CENPI: variants seen among roughly 807,000 people sequenced by gnomAD.
The protein encoded by CENPI is FSH primary response 1.
CENPI carries 4 observed loss-of-function variants against 60.4 expected under a neutral mutation model. The observed-to-expected ratio is 0.07, with a 90% CI of 0.03 to 0.15. The LOEUF is 0.15. Among genes scored for constraint, CENPI ranks in the 10% least tolerant of loss-of-function variants. CENPI has a pLI of 1.00. For synonymous variants in CENPI, 157 were observed against 189.4 expected, an observed-to-expected ratio of 0.83 and a Z score of 1.40; for missense variants, 444 against 534.5, an observed-to-expected ratio of 0.83 and a Z score of 1.67.
intron 16 of CENPI, among the ~76,000 whole-genome samples, chrX:101,143,066 T>A (rs1196416112): frequency 2.8e-4 from 16 of 56,298 alleles, no homozygotes; most frequent in Non-Finnish European, 4.6e-4. Context: ...TGAGACTCCA[T>A]CTCAAAAAAA....
Position 101,147,752 on chromosome X carries a change from T to C in CENPI, c.1827-11T>C. On this transcript the variant is annotated splice_polypyrimidine_tract_variant and intron_variant, in intron 18 of 21. Coordinates refer to ENST00000682095, the MANE Select transcript of CENPI (RefSeq NM_001386188.2). ...TGTTAAATGTTTCATTCTGTTTGTT[T>C]TTTCTGTTAGATATCGTAAAAATTT... 1 of 1,190,486 alleles carries C rather than the reference T, an allele frequency of 8.4e-7. No individual in the cohort carries two copies. Among genetic ancestry groups the C allele is most frequent in the Non-Finnish European group, 1.1e-6 (1 of 879,543 alleles).
chrX:101,152,332 G>C (rs184341965), intron 20 of CENPI, among the ~76,000 whole-genome samples: 2 of 110,737 alleles, frequency 1.8e-5, no homozygotes, highest in Non-Finnish European at 3.8e-5. Flanking sequence ...CAAAGTGCTG[G>C]GATTACAGGC....
At chrX:101,131,479 C>T (rs1268905262) in intron 13 of CENPI, among the ~76,000 whole-genome samples, 1 of 111,605 alleles carries the variant, frequency 9.0e-6, no homozygotes, top group Non-Finnish European at 1.9e-5. Context: ...AGATGTTTCA[C>T]TTAAGAGATG....
chrX:101,128,688 C>A, intron 11 of CENPI, 28 bp from the exon 12 acceptor site: 1 of 1,193,119 alleles, frequency 8.4e-7, no homozygotes, highest in Non-Finnish European at 1.1e-6. Context: ...AGATACTTAA[C>A]TGTTGATCGG....
the CENPI span, among the ~76,000 whole-genome samples, chrX:101,181,708 A>C: frequency 8.9e-6 from 1 of 111,997 alleles, no homozygotes; most frequent in Admixed American, 9.5e-5. Flanking sequence ...ATCTGTATAC[A>C]AGATCATGTC....
intron 15 of CENPI, 33 bp downstream of exon 15, chrX:101,132,489 G>A: frequency 9.2e-7 from 1 of 1,090,314 alleles, no homozygotes; most frequent in East Asian, 3.0e-5. Flanking sequence ...AGATTCAATA[G>A]GATGTATTAT....
At position 101,165,427 on chromosome X, in the gene CENPI, G is replaced by T. The variant is rs774601531; in HGVS notation, c.*2460G>T. Among the ~76,000 whole-genome samples the T allele has an allele frequency of 3.7e-4, 41 of 111,514 alleles. No individual in the cohort carries two copies. Among genetic ancestry groups the T allele is most frequent in the African/African-American group, 1.3e-3 (40 of 30,713 alleles). ...TGTCTGCTGATAGCTTGGATATGAG[G>T]AGGAAAAGGAGAGGAGTAAAGGATG... On this transcript the variant is annotated 3_prime_UTR_variant, in exon 22 of 22. Coordinates refer to ENST00000682095, the MANE Select transcript of CENPI (RefSeq NM_001386188.2).
chrX:101,118,131 C>T (rs994101544), intron 6 of CENPI, among the ~76,000 whole-genome samples: 2 of 111,933 alleles, frequency 1.8e-5, no homozygotes, highest in African/African-American at 6.5e-5. Context: ...TGCCCAAATC[C>T]TCACGGAATT....
At chrX:101,144,918 A>AT (rs2089950061) in intron 16 of CENPI, 146 bp from the exon 17 acceptor site, 1 of 469,569 alleles carries the variant, frequency 2.1e-6, no homozygotes, top group African/African-American at 2.4e-5. Flanking sequence ...ACTCACTGTG[A>AT]TTTTTTAAAA....
In CENPI at chrX:101,104,200, C is replaced by T. The variant is rs189445267; in HGVS notation, c.364+1789C>T. 3.0e-4 allele frequency among the ~76,000 whole-genome samples: 34 copies of T among 112,358 alleles called. No homozygotes were observed. The East Asian group carries it at 7.9e-3, about 26-fold the overall frequency. The stretch of plus-strand genomic sequence containing the variant: ...TGTTGGCCAGGCTGGTCTCAAACTT[C>T]TGACCTCAGGTGATCCACCCGCCTT... On this transcript the variant is annotated intron_variant, in intron 4 of 21. Transcript: ENST00000682095.
At chrX:101,124,721 G>C (rs1340625232) in intron 8 of CENPI, among the ~76,000 whole-genome samples, 1 of 111,526 alleles carries the variant, frequency 9.0e-6, no homozygotes, top group African/African-American at 3.3e-5. Flanking sequence ...TTTATAAGGG[G>C]CTTCCCCTTC....
At chrX:101,101,343 T>C in intron 3 of CENPI, 47 bp downstream of exon 3, 2 of 911,685 alleles carry the variant, frequency 2.2e-6, no homozygotes, top group Non-Finnish European at 3.1e-6. Flanking sequence ...TCTGTAAAAA[T>C]ATTCTAGTCT....
rs533672702 is a variant in CENPI, at chrX:101,113,282, T to TACACACACAC, written c.591+3316_591+3325dup. ...TTTACCTTGTTTTTCTCCATCCCTT[T>TACACACACAC]ACACACACACACACACACACACACA... is the stretch of plus-strand genomic sequence containing the variant. On this transcript the variant is annotated intron_variant, in intron 6 of 21. Transcript: ENST00000682095. Among the ~76,000 whole-genome samples the TACACACACAC allele has an allele frequency of 7.1e-5, 6 of 83,978 alleles. No individual in the cohort carries two copies. In the Admixed American group the frequency reaches 7.4e-4, roughly 10 times the overall value. 72.9% of individuals were successfully genotyped at this position (83,978 alleles called of 115,157 possible). A position where few individuals can be genotyped will look rare whatever the true frequency, so the allele number is the denominator to read the frequency against.
At chrX:101,174,788 A>C in the CENPI span, among the ~76,000 whole-genome samples, 1 of 111,229 alleles carries the variant, frequency 9.0e-6, no homozygotes, top group South Asian at 3.8e-4. Context: ...AAACATGCAC[A>C]TGTACCACCC....
intron 8 of CENPI, among the ~76,000 whole-genome samples, chrX:101,124,838 A>G (rs2089718168): frequency 8.9e-6 from 1 of 111,782 alleles, no homozygotes; most frequent in Admixed American, 9.6e-5. Flanking sequence ...GCCACGTGGA[A>G]CTGTGAGTCA....
At chrX:101,114,749 C>T (rs111915382) in intron 6 of CENPI, among the ~76,000 whole-genome samples, 27,121 of 109,219 alleles carry the variant, frequency 0.25, 2,544 homozygotes, top group South Asian at 0.32. Flanking sequence ...AAGCGATTCT[C>T]CTGCCTCAGC....
In CENPI at chrX:101,162,961, A is replaced by G; in HGVS notation, c.2265A>G (p.Gln755=). The G allele has an allele frequency of 8.3e-7, 1 of 1,207,858 alleles. No individual in the cohort carries two copies. Among genetic ancestry groups the G allele is most frequent in the Non-Finnish European group, 1.1e-6 (1 of 893,099 alleles). Residue 755 remains glutamine (Q), a synonymous_variant, in exon 22 of 22, where the codon CAA becomes CAG. Coordinates refer to ENST00000682095, the MANE Select transcript of CENPI (RefSeq NM_001386188.2). ...CAGAGGGCATAAACTGCAACAATCA[A>G]TATTAAATGAATGTTGACATAAACT... ...PRAEGINCNN[Q]Y
At chrX:101,120,381 T>C in intron 6 of CENPI, 21 bp from the exon 7 acceptor site, 1 of 786,046 alleles carries the variant, frequency 1.3e-6, no homozygotes, top group Non-Finnish European at 1.9e-6. Context: ...TTTCTCTTAA[T>C]ATTTTTTTAT....
At chrX:101,143,069 CAA>C (rs5903179) in intron 16 of CENPI, among the ~76,000 whole-genome samples, 6 of 64,856 alleles carry the variant, frequency 9.3e-5, no homozygotes, top group Admixed American at 2.1e-4. Flanking sequence ...GACTCCATCT[CAA>C]AAAAAAAAAA....
Sources: allele counts gnomAD v4.1 joint callset (sites outside exome capture counted in the v4.1 genomes callset), GRCh38; gene constraint gnomAD v4.1.1; transcripts MANE v1.5; gene names NCBI Gene and HGNC (gene_info 2026-07-23, HGNC 2026-07-21).